Variants in ABHD6 observed in about 807,000 individuals in gnomAD.
ABHD6 encodes monoacylglycerol lipase ABHD6.
ABHD6 carries 33 observed loss-of-function variants against 38.8 expected under a neutral mutation model. The observed-to-expected ratio is 0.85, with a 90% CI of 0.64 to 1.14. ABHD6 has a LOEUF of 1.14. ABHD6 is among the 50% of genes most tolerant of loss of function. The pLI is 0.00. For missense variants in ABHD6, 380 were observed against 422.6 expected (o/e 0.90, Z 0.88); for synonymous variants, 147 against 161.6 (o/e 0.91, Z 0.69).
intron 9 of ABHD6, among the ~76,000 whole-genome samples, chr3:58,289,976 C>T (rs2097460653): frequency 6.9e-6 from 1 of 144,156 alleles, no homozygotes; most frequent in Non-Finnish European, 1.5e-5. Context: ...GACGAGGCGG[C>T]TGGCCGGGCG....
At chr3:58,291,606 G>A (rs185982602) in intron 9 of ABHD6, among the ~76,000 whole-genome samples, 30 of 152,262 alleles carry the variant, frequency 2.0e-4, no homozygotes, top group Non-Finnish European at 3.5e-4. Flanking sequence ...CTAGGAAATC[G>A]CTGAAATGGT....
intron 7 of ABHD6, among the ~76,000 whole-genome samples, chr3:58,281,162 A>G (rs1250713333): frequency 6.6e-6 from 1 of 152,218 alleles, no homozygotes; most frequent in Non-Finnish European, 1.5e-5. Context: ...GTCTGCAGAA[A>G]TTGCCTGCTG....
chr3:58,275,364 CTG>C (rs2097448022), intron 7 of ABHD6, among the ~76,000 whole-genome samples: 1 of 140,000 alleles, frequency 7.1e-6, no homozygotes, highest in Non-Finnish European at 1.5e-5. Flanking sequence ...GAGTCTCACT[CTG>C]TCACCTAGGC....
intron 2 of ABHD6, 117 bp downstream of exon 2, chr3:58,250,059 A>C (rs1463739763): frequency 1.3e-5 from 2 of 151,962 alleles, no homozygotes; most frequent in Non-Finnish European, 2.9e-5. Flanking sequence ...GTGCTGCATG[A>C]TTTTTCTGAT....
intron 1 of ABHD6, among the ~76,000 whole-genome samples, chr3:58,243,480 C>A (rs1388393421): frequency 6.6e-6 from 1 of 151,956 alleles, no homozygotes; most frequent in Non-Finnish European, 1.5e-5. Flanking sequence ...ACTTCTAGCT[C>A]CACCAGAAAG....
chr3:58,252,239 T>TG (rs1553718255), intron 2 of ABHD6, among the ~76,000 whole-genome samples: 2 of 142,822 alleles, frequency 1.4e-5, no homozygotes, highest in South Asian at 4.6e-4. Flanking sequence ...GTTTTTTTTT[T>TG]TTTTTTTTTT....
rs2097442271 is a variant in ABHD6 at position 58,267,925 on chromosome 3, T to C, written c.276+580T>C. ...GGAGACTCCGTCTCTACAAAAAAAT[T>C]AGCCAGGCATGGTGGCATGCACCTG... is the stretch of plus-strand genomic sequence containing the variant. On this transcript the variant is annotated intron_variant, in intron 4 of 9. Transcript: ENST00000478253. This position sits in a 1 kb window ranked among gnomAD's most constrained non-coding sequence, Gnocchi z 4.3. Among the ~76,000 whole-genome samples, 1 of 151,930 alleles carries C rather than the reference T, an allele frequency of 6.6e-6. No individual in the cohort carries two copies. The highest frequency in any genetic ancestry group is 1.9e-4 in the East Asian group (1 of 5,164).
At chr3:58,262,028 A>G (rs2097437331) in intron 3 of ABHD6, among the ~76,000 whole-genome samples, 1 of 152,236 alleles carries the variant, frequency 6.6e-6, no homozygotes, top group Non-Finnish European at 1.5e-5. Flanking sequence ...ACTCTGATTC[A>G]TGCTATTAAC....
intron 9 of ABHD6, among the ~76,000 whole-genome samples, chr3:58,288,016 T>A (rs4681673): frequency 0.78 from 119,154 of 152,148 alleles, 47,367 homozygotes; most frequent in East Asian, 1. Flanking sequence ...ATGGTCCAAA[T>A]TTTTTTCCCA....
chr3:58,250,267 AG>A (rs2097429027), intron 2 of ABHD6, among the ~76,000 whole-genome samples: 2 of 152,170 alleles, frequency 1.3e-5, no homozygotes, highest in African/African-American at 4.8e-5. Flanking sequence ...CTCTGAAGGC[AG>A]GGAAGAGTTC....
chr3:58,256,422 G>T lies in ABHD6; in HGVS notation c.-25-140G>T, dbSNP rs2107436539. ...AGTTGTCATGTCTATTTGGTTTTTT[G>T]TAAAGCACTTGCCTGCTTTGGTTTC... On this transcript the variant is annotated intron_variant, in intron 2 of 9. Transcript: ENST00000478253. The surrounding 1 kb of genome is among the most constrained non-coding windows in gnomAD (Gnocchi z 4.3). The T allele has an allele frequency of 4.0e-6, 2 of 496,746 alleles. No homozygotes were observed. Among genetic ancestry groups the T allele is most frequent in the Non-Finnish European group, 7.2e-6 (2 of 279,080 alleles). The allele number at this position is 496,746 out of a possible 1,614,324, so 30.8% of individuals were successfully genotyped here. A position where few individuals can be genotyped will look rare whatever the true frequency, so the allele number is the denominator to read the frequency against.
At chr3:58,247,880 G>A (rs1474689245) in intron 1 of ABHD6, among the ~76,000 whole-genome samples, 1 of 152,166 alleles carries the variant, frequency 6.6e-6, no homozygotes, top group Non-Finnish European at 1.5e-5. Context: ...AGCCTATATT[G>A]TAATTTTTCG....
chr3:58,267,438 G>C lies in ABHD6; in HGVS notation c.276+93G>C. 2.7e-6 allele frequency: 4 copies of C among 1,507,536 alleles called. No individual in the cohort carries two copies. The highest frequency in any genetic ancestry group is 3.6e-6 in the Non-Finnish European group (4 of 1,102,166). 93.4% of individuals were successfully genotyped at this position (1,507,536 alleles called of 1,614,324 possible). ...CCAGCACTTTGGGAGCCTGAGGCAG[G>C]AGGATTGCTTGAGTCCAGGAGTTCA... is the stretch of plus-strand genomic sequence containing the variant. On this transcript the variant is annotated intron_variant, in intron 4 of 9. Coordinates refer to ENST00000478253, the MANE Select transcript of ABHD6 (RefSeq NM_001320126.2). The surrounding 1 kb of genome is among the most constrained non-coding windows in gnomAD (Gnocchi z 4.3).
At position 58,256,494 on chromosome 3, in the gene ABHD6, C is replaced by T; in HGVS notation, c.-25-68C>T. The T allele has an allele frequency of 1.1e-6, 1 of 942,372 alleles. No individual in the cohort carries two copies. Among genetic ancestry groups the T allele is most frequent in the Non-Finnish European group, 1.6e-6 (1 of 611,998 alleles). 58.4% of individuals were successfully genotyped at this position (942,372 alleles called of 1,614,324 possible). On this transcript the variant is annotated intron_variant, in intron 2 of 9. Coordinates refer to ENST00000478253, the MANE Select transcript of ABHD6 (RefSeq NM_001320126.2). This position sits in a 1 kb window ranked among gnomAD's most constrained non-coding sequence, Gnocchi z 4.3. The stretch of plus-strand genomic sequence containing the variant: ...CTGGGAACTTCACTTTTCTTGTCCC[C>T]TTTACTTCTTCGCCTTTTTTCCTTT...
At chr3:58,244,767 A>G (rs2097425132) in intron 1 of ABHD6, among the ~76,000 whole-genome samples, 1 of 152,116 alleles carries the variant, frequency 6.6e-6, no homozygotes, top group Non-Finnish European at 1.5e-5. Flanking sequence ...TAAAAAAAAA[A>G]GCAAAAAAAA....
intron 6 of ABHD6, 29 bp downstream of exon 6, chr3:58,271,093 G>C: frequency 6.4e-7 from 1 of 1,565,656 alleles, no homozygotes; most frequent in Non-Finnish European, 8.6e-7. Context: ...ACATCCCTCG[G>C]CAGGGATGAA....
intron 7 of ABHD6, among the ~76,000 whole-genome samples, chr3:58,283,023 C>A (rs17059125): frequency 0.41 from 62,670 of 151,950 alleles, 13,667 homozygotes; most frequent in African/African-American, 0.56. Context: ...GCTTCATAAC[C>A]CCAAATTATC....
chr3:58,262,763 A>T (rs2097437892), intron 3 of ABHD6, among the ~76,000 whole-genome samples: 2 of 152,156 alleles, frequency 1.3e-5, no homozygotes, highest in South Asian at 4.1e-4. Context: ...CGTTGAGGGG[A>T]TCATTTGAAA....
chr3:58,270,853 A>G (rs1399100534), intron 5 of ABHD6, 79 bp from the exon 6 acceptor site: 22 of 1,450,342 alleles, frequency 1.5e-5, no homozygotes, highest in Non-Finnish European at 2.0e-5. Context: ...TAGGAAGTCC[A>G]GGGGGCTTCT....
Sources: allele counts gnomAD v4.1 joint callset (sites outside exome capture counted in the v4.1 genomes callset), GRCh38; gene constraint gnomAD v4.1.1; non-coding constraint Gnocchi (gnomAD v3.1); transcripts MANE v1.5; gene names NCBI Gene and HGNC (gene_info 2026-07-23, HGNC 2026-07-21).